The following CYP2C19 variants were observed in gnomAD, a reference collection of about 807,000 sequenced individuals.
CYP2C19 encodes the protein cytochrome P450 2C19.
Under a neutral mutation model 40.9 loss-of-function variants are expected in CYP2C19, and 59 were observed. The observed-to-expected ratio is 1.44, with a 90% CI of 1.17 to 1.79. The LOEUF (loss-of-function observed/expected upper bound fraction) is 1.79. Among genes scored for constraint, CYP2C19 ranks in the 40% most tolerant of loss-of-function variants. CYP2C19 has a pLI of 0.00. For synonymous variants in CYP2C19, 253 were observed against 208.7 expected (o/e 1.21, Z -1.83); for missense variants, 754 against 596.9 (o/e 1.26, Z -2.74).
chr10:94,851,578 A>G (rs1253827830), intron 8 of CYP2C19, among the ~76,000 whole-genome samples: 1 of 152,172 alleles, frequency 6.6e-6, no homozygotes, highest in Non-Finnish European at 1.5e-5. Flanking sequence ...CAACTGATAA[A>G]TAACAGAAAT....
chr10:94,806,281 C>T (rs1317879897), intron 5 of CYP2C19, among the ~76,000 whole-genome samples: 1 of 152,080 alleles, frequency 6.6e-6, no homozygotes, highest in African/African-American at 2.4e-5. Context: ...ATGTATAAAC[C>T]AAATTTGCTT....
chr10:94,845,113 A>T (rs1188298349), intron 7 of CYP2C19, among the ~76,000 whole-genome samples: 1 of 152,160 alleles, frequency 6.6e-6, no homozygotes, highest in Non-Finnish European at 1.5e-5. Flanking sequence ...AATCAGGCAA[A>T]TGTGTTCTTC....
intron 5 of CYP2C19, among the ~76,000 whole-genome samples, chr10:94,817,333 T>G (rs1849022126): frequency 6.6e-6 from 1 of 151,086 alleles, no homozygotes; most frequent in Non-Finnish European, 1.5e-5. Context: ...TGGCCAGTGA[T>G]GATGAGCATT....
chr10:94,817,646 T>C (rs1464105702), intron 5 of CYP2C19, among the ~76,000 whole-genome samples: 1 of 147,608 alleles, frequency 6.8e-6, no homozygotes, highest in East Asian at 2.0e-4. Flanking sequence ...GGACATGAAG[T>C]TCTTGCCCAT....
chr10:94,840,129 G>T (rs1042658449), intron 6 of CYP2C19, among the ~76,000 whole-genome samples: 1 of 152,036 alleles, frequency 6.6e-6, no homozygotes, highest in Non-Finnish European at 1.5e-5. Flanking sequence ...GGGTTACTGG[G>T]TTAAGGATTT....
chr10:94,848,236 T>C (rs968617338), intron 7 of CYP2C19, among the ~76,000 whole-genome samples: 2 of 152,236 alleles, frequency 1.3e-5, no homozygotes, highest in Admixed American at 6.5e-5. Flanking sequence ...CTTTGATCCA[T>C]CTTGAATTAA....
intron 3 of CYP2C19, among the ~76,000 whole-genome samples, chr10:94,776,815 AG>A (rs1323867477): frequency 2.0e-5 from 3 of 152,170 alleles, no homozygotes; most frequent in South Asian, 2.1e-4. Context: ...ATCAGGCAAG[AG>A]AAAGAAATAA....
chr10:94,841,504 A>G (rs1406366726), intron 6 of CYP2C19, among the ~76,000 whole-genome samples: 1 of 152,116 alleles, frequency 6.6e-6, no homozygotes, highest in Non-Finnish European at 1.5e-5. Context: ...GCTCCCATAC[A>G]AAGGGAGGGG....
At chr10:94,842,449 G>A (rs1849510561) in intron 6 of CYP2C19, among the ~76,000 whole-genome samples, 1 of 123,288 alleles carries the variant, frequency 8.1e-6, no homozygotes, top group Non-Finnish European at 1.6e-5. Flanking sequence ...TCTTCATCTA[G>A]TCAGTTTGTC....
rs1212743852 is a variant in CYP2C19 at position 94,849,997 on chromosome 10, T to C, written c.1230T>C (p.Arg410=). Residue 410 remains arginine (R), a synonymous_variant, in exon 8 of 9, where the codon CGT becomes CGC. Coordinates refer to ENST00000371321, the MANE Select transcript of CYP2C19 (RefSeq NM_000769.4). Reference sequence around the variant, plus strand: ...CCAACCCAGAGATGTTTGACCCTCGTCACTTTCTGGATGAAGGTGGAAATT... The same window carrying C: ...CCAACCCAGAGATGTTTGACCCTCGCCACTTTCTGGATGAAGGTGGAAATT... The part of the protein sequence containing the change: ...EFPNPEMFDP[R]HFLDEGGNFK... 5 of 1,613,658 alleles carry C rather than the reference T, an allele frequency of 3.1e-6. No individual in the cohort carries two copies. In the Admixed American group the frequency reaches 6.7e-5, roughly 22 times the overall value.
intron 5 of CYP2C19, among the ~76,000 whole-genome samples, chr10:94,810,839 T>G (rs575332886): frequency 1.3e-5 from 2 of 152,332 alleles, no homozygotes; most frequent in East Asian, 3.9e-4. Context: ...AATTAACTCC[T>G]GTATTCTTTG....
At chr10:94,830,787 G>A (rs944262066) in intron 6 of CYP2C19, among the ~76,000 whole-genome samples, 16 of 151,930 alleles carry the variant, frequency 1.1e-4, no homozygotes, top group African/African-American at 3.9e-4. Context: ...GTACAGAGTA[G>A]GTATATATTA....
chr10:94,834,370 T>C (rs918247658), intron 6 of CYP2C19, among the ~76,000 whole-genome samples: 1 of 152,120 alleles, frequency 6.6e-6, no homozygotes, highest in Admixed American at 6.5e-5. Flanking sequence ...TTTGTTTTTA[T>C]TTATTTGAAA....
rs183432606 is a variant in CYP2C19, at chr10:94,852,391, T to C, written c.1292-342T>C. On this transcript the variant is annotated intron_variant, in intron 8 of 8. Transcript: ENST00000371321. ...TCAGTTCAACCCACTGGACAGGTAATGTATGTTTCTCAAGAAAGATTTTAA... is the reference window on the plus strand; with the variant it reads ...TCAGTTCAACCCACTGGACAGGTAACGTATGTTTCTCAAGAAAGATTTTAA... Among the ~76,000 whole-genome samples, 240 of 152,266 alleles carry C rather than the reference T, an allele frequency of 1.6e-3. 1 individual carries two copies. Among genetic ancestry groups the C allele is most frequent in the Non-Finnish European group, 2.7e-3 (187 of 68,020 alleles).
chr10:94,839,357 T>G (rs1172210490), intron 6 of CYP2C19, among the ~76,000 whole-genome samples: 1 of 152,020 alleles, frequency 6.6e-6, no homozygotes, highest in Non-Finnish European at 1.5e-5. Flanking sequence ...GGATTACTTA[T>G]GCTTACCGAT....
intron 5 of CYP2C19, among the ~76,000 whole-genome samples, chr10:94,815,468 T>A (rs1455590109): frequency 6.6e-6 from 1 of 152,222 alleles, no homozygotes; most frequent in Non-Finnish European, 1.5e-5. Context: ...CAATTCTGCA[T>A]CACATCAACA....
intron 7 of CYP2C19, 140 bp from the exon 8 acceptor site, chr10:94,849,776 CT>C: frequency 9.7e-7 from 1 of 1,033,990 alleles, no homozygotes; most frequent in Non-Finnish European, 1.5e-6. Flanking sequence ...CTTCGTCTAT[CT>C]GTCTGGAAAT....
At chr10:94,774,809 G>A (rs1384436749) in intron 1 of CYP2C19, 2 of 496,866 alleles carry the variant, frequency 4.0e-6, no homozygotes, top group Non-Finnish European at 7.2e-6. Context: ...TAGACCTGCT[G>A]AATATGTTGG....
chr10:94,815,291 A>G (rs1041004560), intron 5 of CYP2C19, among the ~76,000 whole-genome samples: 4 of 152,164 alleles, frequency 2.6e-5, no homozygotes, highest in African/African-American at 9.7e-5. Flanking sequence ...AATCTAGTCT[A>G]TTTCAGTGGT....
Sources: allele counts gnomAD v4.1 joint callset (sites outside exome capture counted in the v4.1 genomes callset), GRCh38; gene constraint gnomAD v4.1.1; transcripts MANE v1.5; gene names NCBI Gene and HGNC (gene_info 2026-07-23, HGNC 2026-07-21).